OSBPL8: variants seen among roughly 807,000 people sequenced by gnomAD.
The protein encoded by OSBPL8 is oxysterol binding protein like 8, also known as oxysterol-binding protein-related protein 8.
Under a neutral mutation model 125.5 loss-of-function variants are expected in OSBPL8, and 59 were observed. The observed-to-expected ratio is 0.47, with a 90% CI of 0.38 to 0.58. OSBPL8 has a LOEUF of 0.58. Ranked by LOEUF, OSBPL8 falls within the 20% of genes least tolerant of loss-of-function variation. OSBPL8 has a pLI of 0.00. For synonymous variants in OSBPL8, 330 were observed against 338.9 expected, an observed-to-expected ratio of 0.97 and a Z score of 0.29; for missense variants, 758 against 1,047.8, an observed-to-expected ratio of 0.72 and a Z score of 3.82.
chr12:76,395,872 A>G (rs1161727919), intron 8 of OSBPL8, among the ~76,000 whole-genome samples: 1 of 152,012 alleles, frequency 6.6e-6, no homozygotes, highest in Non-Finnish European at 1.5e-5. Flanking sequence ...AAGTATTTAT[A>G]TAATTATACA....
intron 9 of OSBPL8, among the ~76,000 whole-genome samples, chr12:76,393,254 GT>G (rs1369796783): frequency 9.2e-5 from 14 of 152,094 alleles, no homozygotes; most frequent in Admixed American, 5.2e-4. Flanking sequence ...AACATTAATA[GT>G]TTTATTTTTT....
At chr12:76,551,613 T>C (rs914153203) in intron 1 of OSBPL8, among the ~76,000 whole-genome samples, 1 of 152,210 alleles carries the variant, frequency 6.6e-6, no homozygotes, top group African/African-American at 2.4e-5. Flanking sequence ...GTATTATGAT[T>C]AGCCTGAATA....
intron 2 of OSBPL8, among the ~76,000 whole-genome samples, chr12:76,465,666 A>T (rs906210463): frequency 1.3e-5 from 2 of 152,168 alleles, no homozygotes; most frequent in Non-Finnish European, 2.9e-5. Flanking sequence ...AAACAGGGTA[A>T]TAAAATACCT....
intron 1 of OSBPL8, among the ~76,000 whole-genome samples, chr12:76,553,498 TA>T (rs34303965): frequency 6.8e-4 from 92 of 136,088 alleles, no homozygotes; most frequent in Admixed American, 7.4e-4. Context: ...ACTCTGTTTC[TA>T]AAAAAAAAAA....
At chr12:76,513,717 G>A (rs572533933) in intron 1 of OSBPL8, among the ~76,000 whole-genome samples, 117 of 116,258 alleles carry the variant, frequency 1.0e-3, no homozygotes, top group African/African-American at 2.5e-3. Context: ...AGTCTGTTTT[G>A]TCTGAAATTA....
rs529133815 is a variant in OSBPL8, at chr12:76,375,215, A to G, written c.1827+58T>C. On this transcript the variant is annotated intron_variant, in intron 17 of 23. Transcript: ENST00000261183. ...AGGAAATACATGGTGCCCTTTATTC[A>G]ATATTTATTGTATGGCTCTCCTTTA... is the stretch of plus-strand genomic sequence containing the variant. The G allele has an allele frequency of 5.8e-3, 6,721 of 1,161,894 alleles. 34 individuals are homozygous for G. The highest frequency in any genetic ancestry group is 7.6e-3 in the Non-Finnish European group (6,009 of 795,194). 72.0% of individuals were successfully genotyped at this position (1,161,894 alleles called of 1,614,324 possible). A position where few individuals can be genotyped will look rare whatever the true frequency, so the allele number is the denominator to read the frequency against.
At chr12:76,406,065 G>A (rs1177516675) in intron 5 of OSBPL8, among the ~76,000 whole-genome samples, 1 of 152,060 alleles carries the variant, frequency 6.6e-6, no homozygotes, top group Non-Finnish European at 1.5e-5. Flanking sequence ...TGCTTTGAGG[G>A]TTAAATGATA....
At chr12:76,474,560 C>G (rs956782728) in intron 2 of OSBPL8, among the ~76,000 whole-genome samples, 1 of 152,158 alleles carries the variant, frequency 6.6e-6, no homozygotes, top group African/African-American at 2.4e-5. Flanking sequence ...TGGCTCACTG[C>G]AGCCTCAACC....
At chr12:76,499,303 ACTCTAT>A (rs911039569) in intron 1 of OSBPL8, among the ~76,000 whole-genome samples, 2 of 59,966 alleles carry the variant, frequency 3.3e-5, no homozygotes, top group African/African-American at 1.3e-4. Flanking sequence ...TACTTAATAA[ACTCTAT>A]CTATCTATCT....
rs577400187 is a variant in OSBPL8, at chr12:76,427,212, G to A, written c.218-16578C>T. Among the ~76,000 whole-genome samples, 5 of 152,188 alleles carry A rather than the reference G, an allele frequency of 3.3e-5. No individual in the cohort carries two copies. The South Asian group carries it at 1.0e-3, about 32-fold the overall frequency. On this transcript the variant is annotated intron_variant, in intron 4 of 23. Coordinates refer to ENST00000261183, the MANE Select transcript of OSBPL8 (RefSeq NM_020841.5). ...GCAAACTAAAAAAGTATTATTTCAA[G>A]AGAAGCAGTGGAAACAACATTATAT... is the stretch of plus-strand genomic sequence containing the variant.
intron 17 of OSBPL8, among the ~76,000 whole-genome samples, chr12:76,373,724 CTG>C (rs1952706138): frequency 9.3e-5 from 1 of 10,708 alleles, no homozygotes; most frequent in Non-Finnish European, 3.7e-4. Flanking sequence ...TGCTCAAATC[CTG>C]TGTCCTCCCC....
Position 76,386,495 on chromosome 12 carries a change from G to C in OSBPL8, c.1434+84C>G, listed in dbSNP as rs1300205759. ...GTCAAAGAAGCCCAGTAATGTAACT[G>C]TTAACACACAATCTACAGATTACAT... On this transcript the variant is annotated intron_variant, in intron 13 of 23. Coordinates refer to ENST00000261183, the MANE Select transcript of OSBPL8 (RefSeq NM_020841.5). The C allele has an allele frequency of 3.7e-6, 5 of 1,362,458 alleles. No individual in the cohort carries two copies. The Admixed American group carries it at 9.4e-5, about 26-fold the overall frequency. The allele number at this position is 1,362,458 out of a possible 1,614,324, so 84.4% of individuals were successfully genotyped here.
chr12:76,467,063 A>G (rs190956149), intron 2 of OSBPL8, among the ~76,000 whole-genome samples: 361 of 152,170 alleles, frequency 2.4e-3, no homozygotes, highest in African/African-American at 8.2e-3. Context: ...GTAGTTTTTC[A>G]CACTTTATAT....
intron 1 of OSBPL8, among the ~76,000 whole-genome samples, chr12:76,510,565 G>C (rs1880869032): frequency 6.6e-6 from 1 of 152,070 alleles, no homozygotes; most frequent in Non-Finnish European, 1.5e-5. Context: ...GTCTTTTGCA[G>C]GGCTCAAAAC....
chr12:76,459,073 T>C (rs115247051), intron 3 of OSBPL8, among the ~76,000 whole-genome samples: 70 of 152,334 alleles, frequency 4.6e-4, no homozygotes, highest in African/African-American at 1.7e-3. Context: ...TGAATAACAG[T>C]AGAAGGAAGA....
chr12:76,485,671 T>G (rs1878050568), intron 2 of OSBPL8, among the ~76,000 whole-genome samples: 1 of 152,236 alleles, frequency 6.6e-6, no homozygotes, highest in Non-Finnish European at 1.5e-5. Context: ...TATAGGTATG[T>G]AGTCAACATC....
intron 4 of OSBPL8, among the ~76,000 whole-genome samples, chr12:76,420,357 A>G (rs989450583): frequency 3.3e-5 from 5 of 152,100 alleles, no homozygotes; most frequent in South Asian, 2.1e-4. Context: ...ATTTGTACGT[A>G]CTGTTCTAGA....
intron 21 of OSBPL8, among the ~76,000 whole-genome samples, chr12:76,365,905 G>A (rs1438520312): frequency 2.0e-5 from 3 of 151,960 alleles, no homozygotes; most frequent in African/African-American, 4.8e-5. Flanking sequence ...ATTTTCTTAC[G>A]TGGAACCAAC....
chr12:76,467,716 G>GAGA (rs1276249181), intron 2 of OSBPL8, among the ~76,000 whole-genome samples: 1 of 151,230 alleles, frequency 6.6e-6, no homozygotes, highest in African/African-American at 2.4e-5. Flanking sequence ...ATCACCTCAT[G>GAGA]TGTCAACTTC....
Sources: allele counts gnomAD v4.1 joint callset (sites outside exome capture counted in the v4.1 genomes callset), GRCh38; gene constraint gnomAD v4.1.1; transcripts MANE v1.5; gene names NCBI Gene and HGNC (gene_info 2026-07-23, HGNC 2026-07-21).